Variants in DOK5 observed in about 807,000 individuals in gnomAD.
DOK5 encodes downstream of tyrosine kinase 5.
DOK5 carries 27 observed loss-of-function variants against 43.3 expected under a neutral mutation model. The observed-to-expected ratio is 0.62, with a 90% CI of 0.46 to 0.86. DOK5 has a LOEUF of 0.86. Among genes scored for constraint, DOK5 ranks in the 40% least tolerant of loss-of-function variants. DOK5 has a pLI of 0.00. For synonymous variants in DOK5, 146 were observed against 140.1 expected (o/e 1.04, Z -0.30); for missense variants, 373 against 392.9 (o/e 0.95, Z 0.43).
chr20:54,542,562 G>A (rs184726063), intron 1 of DOK5, among the ~76,000 whole-genome samples: 2 of 152,316 alleles, frequency 1.3e-5, no homozygotes, highest in Admixed American at 1.3e-4. Context: ...CAAAGGAAGG[G>A]TTCCCTGTGT....
chr20:54,638,108 C>A (rs1350129635), intron 6 of DOK5, among the ~76,000 whole-genome samples: 1 of 121,800 alleles, frequency 8.2e-6, no homozygotes, highest in Non-Finnish European at 1.6e-5. Flanking sequence ...GGTGACAGAG[C>A]GAGACTCTGT....
chr20:54,555,861 G>T (rs1984692873), intron 2 of DOK5, among the ~76,000 whole-genome samples: 1 of 152,156 alleles, frequency 6.6e-6, no homozygotes, highest in Non-Finnish European at 1.5e-5. Context: ...CTGGGGCCAG[G>T]CTTCTTTGCC....
intron 2 of DOK5, among the ~76,000 whole-genome samples, chr20:54,561,637 C>A (rs919317326): frequency 6.6e-6 from 1 of 152,146 alleles, no homozygotes; most frequent in East Asian, 1.9e-4. Context: ...GAGGAATAAA[C>A]TTCTTTCTTG....
chr20:54,641,924 T>C (rs565369315), intron 6 of DOK5, among the ~76,000 whole-genome samples: 1 of 152,292 alleles, frequency 6.6e-6, no homozygotes, highest in South Asian at 2.1e-4. Context: ...CATAAATCTT[T>C]GTGGGTGAAT....
At chr20:54,492,462 A>AT (rs1982220700) in intron 1 of DOK5, among the ~76,000 whole-genome samples, 1 of 152,156 alleles carries the variant, frequency 6.6e-6, no homozygotes, top group Admixed American at 6.5e-5. Context: ...AACAATGGAC[A>AT]TTTTTAGGTA....
At chr20:54,501,488 AAAAAG>A (rs1313415895) in intron 1 of DOK5, among the ~76,000 whole-genome samples, 92 of 145,644 alleles carry the variant, frequency 6.3e-4, no homozygotes, top group African/African-American at 2.5e-3. Context: ...AAAAAAAAAA[AAAAAG>A]AAGAAAAGGA....
chr20:54,475,763 G>A lies in DOK5; in HGVS notation c.-184G>A. On this transcript the variant is annotated 5_prime_UTR_variant, in exon 1 of 8. Transcript: ENST00000262593. This position sits in a 1 kb window ranked among gnomAD's most constrained non-coding sequence, Gnocchi z 4.2. ...AGTGGCTGCAAGCCGGCCGCCCACT[G>A]TCAGGGTTGGGGGGACAGAGAAAGT... 1.4e-6 allele frequency: 1 copy of A among 728,344 alleles called. No homozygotes were observed. Among genetic ancestry groups the A allele is most frequent in the Non-Finnish European group, 2.2e-6 (1 of 455,876 alleles). 45.1% of individuals were successfully genotyped at this position (728,344 alleles called of 1,614,324 possible). A position where few individuals can be genotyped will look rare whatever the true frequency, so the allele number is the denominator to read the frequency against.
chr20:54,545,700 G>C (rs1267199509), intron 1 of DOK5, among the ~76,000 whole-genome samples: 2 of 152,194 alleles, frequency 1.3e-5, no homozygotes, highest in African/African-American at 2.4e-5. Flanking sequence ...AGATAATATG[G>C]AGTTCTTTTC....
chr20:54,496,689 A>C (rs1178577136), intron 1 of DOK5, among the ~76,000 whole-genome samples: 3 of 145,972 alleles, frequency 2.1e-5, no homozygotes, highest in Non-Finnish European at 3.0e-5. Flanking sequence ...TGGCATGAAC[A>C]CGGGAGGTGG....
At chr20:54,544,019 C>T (rs546460884) in intron 1 of DOK5, among the ~76,000 whole-genome samples, 14 of 152,148 alleles carry the variant, frequency 9.2e-5, no homozygotes, top group Non-Finnish European at 1.9e-4. Flanking sequence ...CTAGAAAGGC[C>T]GTGCTAATTT....
At chr20:54,634,556 C>G (rs555716297) in intron 6 of DOK5, among the ~76,000 whole-genome samples, 2 of 147,652 alleles carry the variant, frequency 1.4e-5, no homozygotes, top group Admixed American at 6.9e-5. Context: ...ATTCTCTTGC[C>G]TCAGCCTCCT....
At chr20:54,519,202 T>C (rs1600676414) in intron 1 of DOK5, among the ~76,000 whole-genome samples, 2 of 152,202 alleles carry the variant, frequency 1.3e-5, no homozygotes, top group Non-Finnish European at 2.9e-5. Flanking sequence ...ACTTTTAATA[T>C]ATATTGTGTC....
At chr20:54,628,822 A>T (rs1978436364) in intron 6 of DOK5, among the ~76,000 whole-genome samples, 1 of 152,220 alleles carries the variant, frequency 6.6e-6, no homozygotes, top group Non-Finnish European at 1.5e-5. Context: ...GTATTTTATA[A>T]ACCTCAGAAA....
chr20:54,644,662 C>A (rs1979290077), intron 7 of DOK5, among the ~76,000 whole-genome samples: 1 of 147,976 alleles, frequency 6.8e-6, no homozygotes, highest in Admixed American at 6.7e-5. Flanking sequence ...GCCGAGATAG[C>A]GCCACTGCAC....
intron 6 of DOK5, among the ~76,000 whole-genome samples, chr20:54,634,589 C>T (rs950633877): frequency 2.6e-5 from 4 of 151,664 alleles, no homozygotes; most frequent in Non-Finnish European, 4.4e-5. Context: ...CTACAGGCGC[C>T]CGCCACCATG....
At chr20:54,562,677 C>G (rs1984949443) in intron 2 of DOK5, among the ~76,000 whole-genome samples, 1 of 152,078 alleles carries the variant, frequency 6.6e-6, no homozygotes. Flanking sequence ...CTTGGCCTCC[C>G]AAAGTGCTGG....
intron 5 of DOK5, among the ~76,000 whole-genome samples, chr20:54,600,789 G>A (rs145282090): frequency 0.012 from 1,837 of 152,288 alleles, 29 homozygotes; most frequent in Middle Eastern, 0.068. Flanking sequence ...TATTGTTCCT[G>A]TCTAGCTCAA....
At chr20:54,594,497 TTAACGA>T (rs1379579722) in intron 5 of DOK5, among the ~76,000 whole-genome samples, 1 of 152,080 alleles carries the variant, frequency 6.6e-6, no homozygotes, top group African/African-American at 2.4e-5. Context: ...TATTTATGCA[TTAACGA>T]TAACCAGTGA....
chr20:54,481,060 C>A (rs1234007029), intron 1 of DOK5, among the ~76,000 whole-genome samples: 1 of 119,318 alleles, frequency 8.4e-6, no homozygotes, highest in Non-Finnish European at 1.8e-5. Context: ...TGTCTATCAT[C>A]TATCTATCAT....
Sources: allele counts gnomAD v4.1 joint callset (sites outside exome capture counted in the v4.1 genomes callset), GRCh38; gene constraint gnomAD v4.1.1; non-coding constraint Gnocchi (gnomAD v3.1); transcripts MANE v1.5; gene names NCBI Gene and HGNC (gene_info 2026-07-23, HGNC 2026-07-21).